SIPA1L1: variants seen among roughly 807,000 people sequenced by gnomAD.
SIPA1L1 encodes the protein signal induced proliferation associated 1 like 1.
A neutral mutation model predicts 162.7 loss-of-function variants in SIPA1L1; 26 were observed. That is an observed-to-expected ratio of 0.16 (90% CI 0.12 to 0.22). The LOEUF (loss-of-function observed/expected upper bound fraction) is 0.22. SIPA1L1 is among the 10% of genes least tolerant of loss of function. The probability of loss-of-function intolerance (pLI) is 1.00; values close to 1 mark genes in which losing one functional copy is unlikely to be tolerated. For missense variants in SIPA1L1, 1,874 were observed against 2,241.0 expected, an observed-to-expected ratio of 0.84 and a Z score of 3.31; for synonymous variants, 829 against 837.4, an observed-to-expected ratio of 0.99 and a Z score of 0.17.
intron 7 of SIPA1L1, among the ~76,000 whole-genome samples, chr14:71,627,886 C>T (rs958049768): frequency 5.9e-5 from 9 of 152,106 alleles, no homozygotes; most frequent in East Asian, 1.9e-4. Context: ...TTACATATCT[C>T]GAATTACTTT....
chr14:71,676,460 C>T (rs2045194429), intron 12 of SIPA1L1, among the ~76,000 whole-genome samples: 2 of 141,604 alleles, frequency 1.4e-5, no homozygotes, highest in African/African-American at 5.3e-5. Context: ...AGGTGCCAGG[C>T]ATTTTCCTTT....
chr14:71,476,061 G>C (rs1175377144), intron 2 of SIPA1L1, among the ~76,000 whole-genome samples: 2 of 152,244 alleles, frequency 1.3e-5, no homozygotes, highest in East Asian at 3.8e-4. Flanking sequence ...AGGCACCGCA[G>C]TTGTGGTGGT....
intron 2 of SIPA1L1, among the ~76,000 whole-genome samples, chr14:71,480,227 C>T (rs1436113511): frequency 1.3e-5 from 2 of 151,604 alleles, no homozygotes; most frequent in African/African-American, 2.4e-5. Context: ...GGATTACAGG[C>T]GTTTGCCACC....
intron 3 of SIPA1L1, among the ~76,000 whole-genome samples, chr14:71,527,296 C>CTATAAAA (rs781299897): frequency 3.3e-5 from 5 of 151,966 alleles, no homozygotes; most frequent in Non-Finnish European, 7.4e-5. Flanking sequence ...TATAGGCGCA[C>CTATAAAA]ACCACCATGC....
chr14:71,660,653 T>G (rs1263017468), intron 9 of SIPA1L1, among the ~76,000 whole-genome samples: 1 of 152,198 alleles, frequency 6.6e-6, no homozygotes, highest in Non-Finnish European at 1.5e-5. Flanking sequence ...CACTATTGAA[T>G]TAACTGCTGA....
chr14:71,690,080 A>C (rs557451482), intron 13 of SIPA1L1, among the ~76,000 whole-genome samples: 1 of 152,174 alleles, frequency 6.6e-6, no homozygotes, highest in Non-Finnish European at 1.5e-5. Flanking sequence ...TTTGTTTAGA[A>C]TATTAGCTGT....
At chr14:71,583,554 C>T (rs2034214405) in intron 4 of SIPA1L1, among the ~76,000 whole-genome samples, 1 of 152,108 alleles carries the variant, frequency 6.6e-6, no homozygotes, top group Non-Finnish European at 1.5e-5. Flanking sequence ...CCCCCAACCC[C>T]ACCCCCTTCC....
chr14:71,476,077 T>C (rs2047824617), intron 2 of SIPA1L1, among the ~76,000 whole-genome samples: 1 of 152,228 alleles, frequency 6.6e-6, no homozygotes. Context: ...GTGGTCTTGA[T>C]GACACAGTGC....
intron 7 of SIPA1L1, among the ~76,000 whole-genome samples, chr14:71,632,364 C>CT (rs1455733713): frequency 2.0e-5 from 3 of 152,130 alleles, no homozygotes; most frequent in Non-Finnish European, 4.4e-5. Flanking sequence ...AATGTCTGTT[C>CT]TTTTTAGCAA....
At position 71,544,371 on chromosome 14, in the gene SIPA1L1, T is replaced by C. The variant is rs117594561; in HGVS notation, c.-303+15001T>C. 3.4e-4 allele frequency among the ~76,000 whole-genome samples: 51 copies of C among 151,860 alleles called. No homozygotes were observed. In the East Asian group the frequency reaches 9.5e-3, roughly 28 times the overall value. ...TATACATGTATCATATGTGTATATATGATTTCTTTGTCAGATATGTATATT... is the reference window on the plus strand; with the variant it reads ...TATACATGTATCATATGTGTATATACGATTTCTTTGTCAGATATGTATATT... On this transcript the variant is annotated intron_variant, in intron 4 of 23. Coordinates refer to ENST00000381232, the MANE Select transcript of SIPA1L1 (RefSeq NM_001386936.1).
intron 5 of SIPA1L1, among the ~76,000 whole-genome samples, chr14:71,590,084 C>CACACACATATAT (rs575645369): frequency 2.3e-5 from 3 of 132,202 alleles, no homozygotes; most frequent in African/African-American, 5.5e-5. Context: ...TATGTACACA[C>CACACACATATAT]ACACACATAT....
chr14:71,564,803 C>G (rs1371873097), intron 4 of SIPA1L1, among the ~76,000 whole-genome samples: 2 of 152,108 alleles, frequency 1.3e-5, no homozygotes, highest in African/African-American at 4.8e-5. Context: ...TTGGCATTTT[C>G]TTTCTTCTTT....
chr14:71,369,722 G>A (rs1351472148), intron 2 of SIPA1L1, among the ~76,000 whole-genome samples: 2 of 122,888 alleles, frequency 1.6e-5, no homozygotes, highest in African/African-American at 3.1e-5. Flanking sequence ...GCTTGATGGG[G>A]ATGGCATTGA....
chr14:71,518,430 A>T (rs1227565966), intron 3 of SIPA1L1, among the ~76,000 whole-genome samples: 1 of 152,218 alleles, frequency 6.6e-6, no homozygotes, highest in Admixed American at 6.5e-5. Flanking sequence ...AAATAATTCA[A>T]CCTTTCTCCA....
intron 17 of SIPA1L1, among the ~76,000 whole-genome samples, chr14:71,709,931 T>C (rs1330071650): frequency 6.6e-6 from 1 of 152,278 alleles, no homozygotes; most frequent in African/African-American, 2.4e-5. Flanking sequence ...TCCTGGCTAC[T>C]ACAATTTGAG....
chr14:71,624,511 A>G (rs2039773513), intron 7 of SIPA1L1, among the ~76,000 whole-genome samples: 1 of 152,202 alleles, frequency 6.6e-6, no homozygotes, highest in African/African-American at 2.4e-5. Flanking sequence ...AAGTTTTTCG[A>G]GTGTCCAAGA....
At chr14:71,569,833 C>G (rs538452157) in intron 4 of SIPA1L1, among the ~76,000 whole-genome samples, 1 of 152,224 alleles carries the variant, frequency 6.6e-6, no homozygotes, top group Non-Finnish European at 1.5e-5. Context: ...GCAGCATTGG[C>G]ACTGCTTCTG....
intron 4 of SIPA1L1, among the ~76,000 whole-genome samples, chr14:71,533,620 C>T (rs1387117895): frequency 6.6e-6 from 1 of 152,168 alleles, no homozygotes; most frequent in Non-Finnish European, 1.5e-5. Flanking sequence ...GCATAACTGC[C>T]ATTTTGTGTC....
chr14:71,725,467 C>G (rs143003844), intron 19 of SIPA1L1, among the ~76,000 whole-genome samples: 104 of 152,332 alleles, frequency 6.8e-4, no homozygotes, highest in African/African-American at 2.4e-3. Context: ...GCTCAGAATT[C>G]CAGACTGTAA....
Sources: gnomAD v4.1 joint callset for allele counts (sites outside exome capture counted in the v4.1 genomes callset) on GRCh38, gnomAD v4.1.1 for gene constraint, MANE v1.5 for transcripts, NCBI Gene and HGNC (gene_info 2026-07-23, HGNC 2026-07-21) for gene names.